The following CDYL2 variants were observed in gnomAD, a reference collection of about 807,000 sequenced individuals.
CDYL2 encodes the protein chromodomain Y like 2, also known as chromodomain Y-like protein 2.
CDYL2 carries 23 observed loss-of-function variants against 49.4 expected under a neutral mutation model. That is an observed-to-expected ratio of 0.47 (90% CI 0.34 to 0.66). The LOEUF (loss-of-function observed/expected upper bound fraction) is 0.66. CDYL2 is among the 30% of genes least tolerant of loss of function. The pLI, the probability that CDYL2 is intolerant of heterozygous loss-of-function variation, is 0.01. For missense variants in CDYL2, 678 were observed against 656.4 expected (o/e 1.03, Z -0.36); for synonymous variants, 360 against 268.8 (o/e 1.34, Z -3.32).
rs1414250768 is a variant in CDYL2 at position 80,603,974 on chromosome 16, C to G, written c.*414G>C. 1 of 174,318 alleles carries G rather than the reference C, an allele frequency of 5.7e-6. No individual in the cohort carries two copies. The highest frequency in any genetic ancestry group is 1.2e-5 in the Non-Finnish European group (1 of 80,696). The allele number at this position is 174,318 out of a possible 1,614,324, so 10.8% of individuals were successfully genotyped here. Reference sequence around the variant, plus strand: ...GATTGGTCGTCCTCTGACACCCGATCTAAATACAACCAGAGAGAGCCATGA... The same window carrying G: ...GATTGGTCGTCCTCTGACACCCGATGTAAATACAACCAGAGAGAGCCATGA... On this transcript the variant is annotated 3_prime_UTR_variant, in exon 7 of 7. Coordinates refer to ENST00000570137, the MANE Select transcript of CDYL2 (RefSeq NM_152342.4).
chr16:80,720,563 G>A (rs1904963884), intron 1 of CDYL2, among the ~76,000 whole-genome samples: 1 of 152,206 alleles, frequency 6.6e-6, no homozygotes, highest in Admixed American at 6.5e-5. Context: ...TAAAAGTTGA[G>A]GGTATTTTGC....
chr16:80,770,764 A>T (rs368575045), intron 1 of CDYL2, among the ~76,000 whole-genome samples: 1 of 152,228 alleles, frequency 6.6e-6, no homozygotes, highest in South Asian at 2.1e-4. Flanking sequence ...AATATACAAA[A>T]TCCTATTATG....
intron 2 of CDYL2, among the ~76,000 whole-genome samples, chr16:80,670,660 C>A (rs1909464205): frequency 6.6e-6 from 1 of 152,126 alleles, no homozygotes; most frequent in Non-Finnish European, 1.5e-5. Context: ...CCGTGGACGG[C>A]AACGTCTTAA....
intron 2 of CDYL2, among the ~76,000 whole-genome samples, chr16:80,664,055 GC>G (rs1909158937): frequency 6.6e-6 from 1 of 152,130 alleles, no homozygotes; most frequent in African/African-American, 2.4e-5. Flanking sequence ...CTGGTATGTG[GC>G]AAAATATTCT....
intron 2 of CDYL2, among the ~76,000 whole-genome samples, chr16:80,682,629 A>G (rs1409421363): frequency 6.6e-6 from 1 of 152,210 alleles, no homozygotes; most frequent in African/African-American, 2.4e-5. Context: ...GGATTGCCCC[A>G]TATGAGCAGG....
At chr16:80,709,561 G>GACAC (rs10673992) in intron 1 of CDYL2, among the ~76,000 whole-genome samples, 26,232 of 143,604 alleles carry the variant, frequency 0.18, 2,712 homozygotes, top group East Asian at 0.4. Context: ...GGAATAAACA[G>GACAC]ACACACACAC....
At chr16:80,712,330 C>A (rs1904647598) in intron 1 of CDYL2, among the ~76,000 whole-genome samples, 1 of 151,686 alleles carries the variant, frequency 6.6e-6, no homozygotes, top group Admixed American at 6.6e-5. Context: ...GGAGACCATG[C>A]ATAAGACCCC....
At chr16:80,720,033 T>C (rs936442250) in intron 1 of CDYL2, among the ~76,000 whole-genome samples, 2 of 152,240 alleles carry the variant, frequency 1.3e-5, no homozygotes, top group Non-Finnish European at 2.9e-5. Context: ...TCCCATGCCT[T>C]GACACTGTAA....
chr16:80,625,663 T>C (rs965693392), intron 3 of CDYL2, among the ~76,000 whole-genome samples: 1 of 152,222 alleles, frequency 6.6e-6, no homozygotes, highest in African/African-American at 2.4e-5. Flanking sequence ...ATATCATATT[T>C]AAACTTCAGA....
Position 80,794,832 on chromosome 16 carries a change from C to G in CDYL2, c.24+9318G>C, listed in dbSNP as rs551711286. The stretch of plus-strand genomic sequence containing the variant: ...TTCTCCATGTTGGTCAGGCTGGTCT[C>G]GAACTCCCGACCTCAGGTGATCCGC... On this transcript the variant is annotated intron_variant, in intron 1 of 6. Transcript: ENST00000570137. Among the ~76,000 whole-genome samples the G allele has an allele frequency of 2.4e-4, 37 of 151,964 alleles. No homozygotes were observed. In the South Asian group the frequency reaches 5.8e-3, roughly 24 times the overall value.
At chr16:80,673,294 TG>T (rs1285796181) in intron 2 of CDYL2, among the ~76,000 whole-genome samples, 3 of 152,100 alleles carry the variant, frequency 2.0e-5, no homozygotes, top group African/African-American at 7.2e-5. Context: ...CACTCCAGCC[TG>T]GGCGACAGAG....
intron 5 of CDYL2, among the ~76,000 whole-genome samples, chr16:80,609,901 T>G (rs940396975): frequency 5.3e-5 from 8 of 152,114 alleles, no homozygotes; most frequent in African/African-American, 1.9e-4. Flanking sequence ...AACATAAACA[T>G]AGTTTAGTCA....
intron 2 of CDYL2, among the ~76,000 whole-genome samples, chr16:80,669,675 G>T (rs1475218286): frequency 6.6e-6 from 1 of 152,180 alleles, no homozygotes; most frequent in African/African-American, 2.4e-5. Context: ...TTATCCTCTG[G>T]CTGGCTTTGT....
intron 1 of CDYL2, among the ~76,000 whole-genome samples, chr16:80,699,929 G>C (rs9931581): frequency 2.6e-5 from 4 of 151,022 alleles, no homozygotes; most frequent in African/African-American, 9.8e-5. Context: ...GTGCAGTGGC[G>C]CGATCTCCGC....
At chr16:80,749,738 A>T (rs1176295467) in intron 1 of CDYL2, among the ~76,000 whole-genome samples, 2 of 152,020 alleles carry the variant, frequency 1.3e-5, no homozygotes, top group Non-Finnish European at 2.9e-5. Flanking sequence ...TTTTAAAAAA[A>T]TTTAAAAAAA....
At chr16:80,765,036 G>A (rs1906668661) in intron 1 of CDYL2, among the ~76,000 whole-genome samples, 1 of 146,004 alleles carries the variant, frequency 6.8e-6, no homozygotes, top group Non-Finnish European at 1.5e-5. Flanking sequence ...CTCCAGCCTG[G>A]GTGACAGTGA....
At chr16:80,778,275 T>C (rs1046554911) in intron 1 of CDYL2, among the ~76,000 whole-genome samples, 1 of 151,998 alleles carries the variant, frequency 6.6e-6, no homozygotes, top group Non-Finnish European at 1.5e-5. Flanking sequence ...TATTACACTA[T>C]AATTTAGCAT....
At chr16:80,664,053 T>C (rs1038111005) in intron 2 of CDYL2, among the ~76,000 whole-genome samples, 1 of 151,856 alleles carries the variant, frequency 6.6e-6, no homozygotes, top group African/African-American at 2.4e-5. Flanking sequence ...TCCTGGTATG[T>C]GGCAAAATAT....
chr16:80,678,400 C>CA (rs987820381), intron 2 of CDYL2, among the ~76,000 whole-genome samples: 145 of 152,236 alleles, frequency 9.5e-4, no homozygotes, highest in African/African-American at 3.3e-3. Flanking sequence ...ACGATGAACT[C>CA]AAACAAATTT....
Sources: gnomAD v4.1 joint callset for allele counts (sites outside exome capture counted in the v4.1 genomes callset) on GRCh38, gnomAD v4.1.1 for gene constraint, MANE v1.5 for transcripts, NCBI Gene and HGNC (gene_info 2026-07-23, HGNC 2026-07-21) for gene names.